PRKCSH: variants seen among roughly 807,000 people sequenced by gnomAD.
The protein encoded by PRKCSH is glucosidase 2 subunit beta.
PRKCSH carries 42 observed loss-of-function variants against 79.7 expected under a neutral mutation model. That is an observed-to-expected ratio of 0.53 (90% CI 0.41 to 0.68). The LOEUF (loss-of-function observed/expected upper bound fraction) is 0.68. Ranked by LOEUF, PRKCSH falls within the 30% of genes least tolerant of loss-of-function variation. The pLI is 0.00. For synonymous variants in PRKCSH, 325 were observed against 288.2 expected (o/e 1.13, Z -1.29); for missense variants, 686 against 709.0 (o/e 0.97, Z 0.37).
In PRKCSH at chr19:11,447,645, CAG is replaced by C. The variant is rs752000491; in HGVS notation, c.1029+32_1029+33del. 2.5e-5 allele frequency: 40 copies of C among 1,571,142 alleles called. No individual in the cohort carries two copies. The highest frequency in any genetic ancestry group is 9.5e-5 in the African/African-American group (7 of 74,020). On this transcript the variant is annotated intron_variant, in intron 11 of 17. Coordinates refer to ENST00000677123, the MANE Select transcript of PRKCSH (RefSeq NM_001289104.2). This position sits in a 1 kb window ranked among gnomAD's most constrained non-coding sequence, Gnocchi z 5.6. ...TCCGTGTTTGGGGGAGAAGTGGAGA[CAG>C]AGAGGGTGGGGGAAGGGCTACTCAC...
chr19:11,448,193 A>G lies in PRKCSH; in HGVS notation c.1127-29A>G. Reference sequence around the variant, plus strand: ...CCCATCCTCCTGGATGGGGTTGAGGACATCTCTGACCTCCAACCCCTCTCC... The same window carrying G: ...CCCATCCTCCTGGATGGGGTTGAGGGCATCTCTGACCTCCAACCCCTCTCC... On this transcript the variant is annotated intron_variant, in intron 12 of 17. Transcript: ENST00000677123. The surrounding 1 kb of genome is among the most constrained non-coding windows in gnomAD (Gnocchi z 4.4). 1 of 1,547,234 alleles carries G rather than the reference A, an allele frequency of 6.5e-7. No individual in the cohort carries two copies. The highest frequency in any genetic ancestry group is 8.8e-7 in the Non-Finnish European group (1 of 1,142,720).
chr19:11,436,594 C>G, intron 3 of PRKCSH, 89 bp downstream of exon 3: 1 of 1,095,076 alleles, frequency 9.1e-7, no homozygotes, highest in South Asian at 1.3e-5. Flanking sequence ...ACTACCTCTG[C>G]TGGCTCCCCT....
chr19:11,441,435 G>T, intron 6 of PRKCSH, 78 bp downstream of exon 6: 1 of 1,405,392 alleles, frequency 7.1e-7, no homozygotes, highest in Non-Finnish European at 1.0e-6. Context: ...GGCTGGGGAG[G>T]GGTTTGCCCC....
rs1392392309 is a variant in PRKCSH at position 11,442,309 on chromosome 19, T to G, written c.469-77T>G. ...AACATCTCCCTGCTGCCCTGTGGAG[T>G]AGAGGCAGGGAGGTAGTAGTCAATG... On this transcript the variant is annotated intron_variant, in intron 6 of 17. Transcript: ENST00000677123. 4 of 1,508,636 alleles carry G rather than the reference T, an allele frequency of 2.7e-6. No individual in the cohort carries two copies. In the African/African-American group the frequency reaches 5.6e-5, roughly 21 times the overall value. The allele number at this position is 1,508,636 out of a possible 1,614,324, so 93.5% of individuals were successfully genotyped here.
At chr19:11,436,768 CAACACGGGCAA>C (rs1969769138) in intron 3 of PRKCSH, 6 of 463,440 alleles carry the variant, frequency 1.3e-5, no homozygotes, top group South Asian at 1.0e-4. Context: ...ATGGAGGGGT[CAACACGGGCAA>C]ACCCCTAGAA....
At position 11,443,011 on chromosome 19, in the gene PRKCSH, TC is replaced by T. The variant is rs561749850; in HGVS notation, c.598+498del. On this transcript the variant is annotated intron_variant, in intron 7 of 17. Coordinates refer to ENST00000677123, the MANE Select transcript of PRKCSH (RefSeq NM_001289104.2). ...GAGCCACCTCGCCCGGCCGCCTACT[TC>T]CTTTTAACATCAATGTAGATTTTGT... 2.2e-3 allele frequency among the ~76,000 whole-genome samples: 330 copies of T among 151,910 alleles called. 3 individuals carry two copies. Among genetic ancestry groups the T allele is most frequent in the East Asian group, 4.3e-3 (22 of 5,092 alleles).
chr19:11,447,020 GAGATGGGGGACACGTGGTGGCCT>G lies in PRKCSH; in HGVS notation c.763-49_763-27del, dbSNP rs1238046165. The G allele has an allele frequency of 2.5e-6, 4 of 1,585,542 alleles. No individual in the cohort carries two copies. The highest frequency in any genetic ancestry group is 1.1e-5 in the South Asian group (1 of 90,466). ...CCGCAGCCCGGGTGCCGGGGTGGCC[GAGATGGGGGACACGTGGTGGCCT>G]AGATCTTGACACCACCCCCAACACA... On this transcript the variant is annotated intron_variant, in intron 9 of 17. Coordinates refer to ENST00000677123, the MANE Select transcript of PRKCSH (RefSeq NM_001289104.2). The surrounding 1 kb of genome is among the most constrained non-coding windows in gnomAD (Gnocchi z 5.6).
At chr19:11,446,630 C>T (rs1970316862) in intron 9 of PRKCSH, among the ~76,000 whole-genome samples, 1 of 151,242 alleles carries the variant, frequency 6.6e-6, no homozygotes, top group Admixed American at 6.6e-5. Context: ...TATTCCCCTC[C>T]TCCCCCACAC....
At chr19:11,436,235 G>C in intron 2 of PRKCSH, 39 bp downstream of exon 2, 1 of 1,597,014 alleles carries the variant, frequency 6.3e-7, no homozygotes, top group South Asian at 1.1e-5. Context: ...GGCTGGAGGT[G>C]GGAGGGGCCA....
Position 11,436,158 on chromosome 19 carries a change from C to T in PRKCSH, c.41C>T (p.Ala14Val). The T allele has an allele frequency of 6.2e-7, 1 of 1,602,280 alleles. No individual in the cohort carries two copies. Among genetic ancestry groups the T allele is most frequent in the African/African-American group, 1.3e-5 (1 of 74,636 alleles). Residue 14 changes from alanine to valine, a missense_variant, in exon 2 of 18, where the codon GCC becomes GTC. Ala to Val is a moderately conservative substitution (Grantham distance 64). This residue lies in a region of PRKCSH where 549 missense variants were observed against 520.2 expected (regional missense o/e 1.06). Transcript: ENST00000677123. ...CTGCTGCTGCTACCCATGTGCTGGG[C>T]CGTGGAGGTCAAGAGGCCCCGGGGC... Reference protein sequence around the residue: ...PLLLLLPMCWAVEVKRPRGVS... With the variant: ...PLLLLLPMCWVVEVKRPRGVS...
At position 11,446,062 on chromosome 19, in the gene PRKCSH, C is replaced by T. The variant is rs529688361; in HGVS notation, c.684-210C>T. Among the ~76,000 whole-genome samples, 58 of 151,966 alleles carry T rather than the reference C, an allele frequency of 3.8e-4. 1 individual carries two copies. The highest frequency in any genetic ancestry group is 7.6e-4 in the Non-Finnish European group (52 of 67,986). Reference sequence around the variant, plus strand: ...ATCGGACATTTGGGGGTCCAGGTATCTCCCAGTCCCACCCCTTACTTTGAG... The same window carrying T: ...ATCGGACATTTGGGGGTCCAGGTATTTCCCAGTCCCACCCCTTACTTTGAG... On this transcript the variant is annotated intron_variant, in intron 8 of 17. Transcript: ENST00000677123.
At position 11,436,121 on chromosome 19, in the gene PRKCSH, C is replaced by T. The variant is rs1599477421; in HGVS notation, c.4C>T (p.Leu2=). M[L]LPLLLLLPMC... Reference sequence around the variant, plus strand: ...GGGCCTCAGAGCGTCTGGTGAGATGCTGTTGCCGCTGCTGCTGCTGCTACC... The same window carrying T: ...GGGCCTCAGAGCGTCTGGTGAGATGTTGTTGCCGCTGCTGCTGCTGCTACC... The change falls in exon 2 of 18, where the codon CTG becomes TTG. Residue 2 remains leucine, a synonymous_variant. Coordinates refer to ENST00000677123, the MANE Select transcript of PRKCSH (RefSeq NM_001289104.2). The T allele has an allele frequency of 1.2e-6, 2 of 1,608,528 alleles. No homozygotes were observed. The highest frequency in any genetic ancestry group is 1.7e-4 in the Middle Eastern group (1 of 6,030).
Position 11,447,862 on chromosome 19 carries a change from A to G in PRKCSH, c.1126+73A>G, listed in dbSNP as rs557333543. On this transcript the variant is annotated intron_variant, in intron 12 of 17. Transcript: ENST00000677123. The surrounding 1 kb of genome is among the most constrained non-coding windows in gnomAD (Gnocchi z 5.6). ...TGCCGTGGTGGCACAGGTCGAGGGA[A>G]GATCCTGAGCTTAGACCCTGCTCTG... 2.8e-4 allele frequency: 408 copies of G among 1,454,808 alleles called. 4 individuals carry two copies. In the South Asian group the frequency reaches 5.1e-3, roughly 18 times the overall value. 90.1% of individuals were successfully genotyped at this position (1,454,808 alleles called of 1,614,324 possible).
At position 11,449,338 on chromosome 19, in the gene PRKCSH, G is replaced by T. The variant is rs398123688; in HGVS notation, c.1534G>T (p.Glu512Ter). The change falls in exon 17 of 18, where the codon GAG becomes TAG. Residue 512 changes from glutamate to a stop codon, truncating the protein, a stop_gained. Coordinates refer to ENST00000677123, the MANE Select transcript of PRKCSH (RefSeq NM_001289104.2). LOFTEE classifies it high-confidence loss of function. This position sits in a 1 kb window ranked among gnomAD's most constrained non-coding sequence, Gnocchi z 6.4. ...TEPSRCEYLM[E>*]LMTPAACPEP... ...GCCCAGTCGCTGCGAGTACCTCATG[G>T]AGCTGATGACGCCAGCCGCCTGCCC... 13 of 1,613,536 alleles carry T rather than the reference G, an allele frequency of 8.1e-6. No individual in the cohort carries two copies. The highest frequency in any genetic ancestry group is 2.2e-5 in the East Asian group (1 of 44,872).
At position 11,447,988 on chromosome 19, in the gene PRKCSH, C is replaced by T; in HGVS notation, c.1126+199C>T. ...AGCCCCAAGGGGCCCTTCTGCCTCC[C>T]CAAGGGCCGCAGCTTGTTTGTGTCA... On this transcript the variant is annotated intron_variant, in intron 12 of 17. Coordinates refer to ENST00000677123, the MANE Select transcript of PRKCSH (RefSeq NM_001289104.2). This position sits in a 1 kb window ranked among gnomAD's most constrained non-coding sequence, Gnocchi z 5.6. The T allele has an allele frequency of 1.3e-6, 1 of 762,056 alleles. No individual in the cohort carries two copies. The highest frequency in any genetic ancestry group is 2.8e-5 in the Admixed American group (1 of 36,056). The allele number at this position is 762,056 out of a possible 1,614,324, so 47.2% of individuals were successfully genotyped here. A position where few individuals can be genotyped will look rare whatever the true frequency, so the allele number is the denominator to read the frequency against.
Position 11,436,411 on chromosome 19 carries a change from C to G in PRKCSH, c.102C>G (p.Ser34=). 1 of 1,614,172 alleles carries G rather than the reference C, an allele frequency of 6.2e-7. No individual in the cohort carries two copies. Among genetic ancestry groups the G allele is most frequent in the South Asian group, 1.1e-5 (1 of 91,082 alleles). ...SLTNHHFYDE[S]KPFTCLDGSA... is the part of the protein sequence containing the mutation. ...CAGATCATCACTTCTACGATGAGTC[C>G]AAGCCTTTCACCTGCCTGGACGGTT... is the stretch of plus-strand genomic sequence containing the variant. The change falls in exon 3 of 18, where the codon TCC becomes TCG. Residue 34 remains serine (S), a synonymous_variant. Coordinates refer to ENST00000677123, the MANE Select transcript of PRKCSH (RefSeq NM_001289104.2).
At chr19:11,438,035 A>T in intron 4 of PRKCSH, 32 bp from the exon 5 acceptor site, 1 of 1,614,114 alleles carries the variant, frequency 6.2e-7, no homozygotes, top group East Asian at 2.2e-5. Context: ...AGGCACTGCC[A>T]GGTCTGATCT....
At position 11,447,931 on chromosome 19, in the gene PRKCSH, G is replaced by A; in HGVS notation, c.1126+142G>A. On this transcript the variant is annotated intron_variant, in intron 12 of 17. Transcript: ENST00000677123. This position sits in a 1 kb window ranked among gnomAD's most constrained non-coding sequence, Gnocchi z 5.6. The stretch of plus-strand genomic sequence containing the variant: ...CCAGTATCTTGGGGAGTCCAGGAAG[G>A]GGGCCTAGGGTAAGCCAGTCCCACC... 3 of 1,058,470 alleles carry A rather than the reference G, an allele frequency of 2.8e-6. No individual in the cohort carries two copies. The African/African-American group carries it at 4.8e-5, about 17-fold the overall frequency. The allele number at this position is 1,058,470 out of a possible 1,614,324, so 65.6% of individuals were successfully genotyped here.
At position 11,448,357 on chromosome 19, in the gene PRKCSH, T is replaced by A; in HGVS notation, c.1196+66T>A. The A allele has an allele frequency of 6.5e-7, 1 of 1,536,436 alleles. No individual in the cohort carries two copies. The highest frequency in any genetic ancestry group is 8.8e-7 in the Non-Finnish European group (1 of 1,131,868). On this transcript the variant is annotated intron_variant, in intron 13 of 17. Coordinates refer to ENST00000677123, the MANE Select transcript of PRKCSH (RefSeq NM_001289104.2). This position sits in a 1 kb window ranked among gnomAD's most constrained non-coding sequence, Gnocchi z 4.4. ...ACTGCTCCTTGACTCCCAGGGGAGC[T>A]GGTGATGGGGAATCACTGAGGCAAC...
Sources: gnomAD v4.1 joint callset for allele counts (sites outside exome capture counted in the v4.1 genomes callset) on GRCh38, gnomAD v4.1.1 for gene constraint, gnomAD v4.1.1 regional missense constraint, Gnocchi (gnomAD v3.1) non-coding constraint, MANE v1.5 for transcripts, NCBI Gene and HGNC (gene_info 2026-07-23, HGNC 2026-07-21) for gene names.